CNTN6: variants seen among roughly 807,000 people sequenced by gnomAD.
CNTN6 encodes contactin-6.
In CNTN6, 137 loss-of-function variants were observed where a neutral mutation model predicts 122.8. The ratio of observed to expected loss-of-function variants is 1.12; its 90% CI spans 0.97 to 1.29. CNTN6 has a LOEUF of 1.29. CNTN6 is among the 50% of genes most tolerant of loss of function. The probability of loss-of-function intolerance (pLI) is 0.00; values close to 1 mark genes in which losing one functional copy is unlikely to be tolerated. For missense variants in CNTN6, 1,634 were observed against 1,223.4 expected (o/e 1.34, Z -5.01); for synonymous variants, 570 against 426.0 (o/e 1.34, Z -4.16).
At chr3:1,138,728 A>G (rs889067690) in intron 1 of CNTN6, among the ~76,000 whole-genome samples, 1 of 152,012 alleles carries the variant, frequency 6.6e-6, no homozygotes, top group Non-Finnish European at 1.5e-5. Flanking sequence ...GGACCTTGCT[A>G]TATTATTGCT....
chr3:1,260,436 G>A (rs2094826868), intron 4 of CNTN6, among the ~76,000 whole-genome samples: 1 of 152,018 alleles, frequency 6.6e-6, no homozygotes, highest in South Asian at 2.1e-4. Flanking sequence ...GCAGATGTTT[G>A]ATGTTTGGTT....
intron 11 of CNTN6, among the ~76,000 whole-genome samples, chr3:1,337,179 G>A (rs1703199286): frequency 6.6e-6 from 1 of 152,106 alleles, no homozygotes; most frequent in Admixed American, 6.5e-5. Flanking sequence ...AGTTCTTCTA[G>A]TTACACAGCC....
At chr3:1,307,739 G>C (rs1698588220) in intron 7 of CNTN6, among the ~76,000 whole-genome samples, 2 of 152,072 alleles carry the variant, frequency 1.3e-5, no homozygotes, top group Non-Finnish European at 2.9e-5. Context: ...AGGGGTGGTG[G>C]TCAGTTTATT....
chr3:1,185,327 G>A (rs2093613396), intron 2 of CNTN6, among the ~76,000 whole-genome samples: 1 of 151,922 alleles, frequency 6.6e-6, no homozygotes, highest in Non-Finnish European at 1.5e-5. Context: ...CAGTGAAATT[G>A]TTTATTTAAA....
At chr3:1,185,179 T>C (rs1365960374) in intron 2 of CNTN6, among the ~76,000 whole-genome samples, 3 of 152,292 alleles carry the variant, frequency 2.0e-5, no homozygotes, top group Non-Finnish European at 4.4e-5. Flanking sequence ...CAGAAGGTAA[T>C]AGAATATGTC....
intron 5 of CNTN6, among the ~76,000 whole-genome samples, chr3:1,289,966 GC>G (rs1323492430): frequency 6.6e-6 from 1 of 152,012 alleles, no homozygotes; most frequent in African/African-American, 2.4e-5. Context: ...GAGCCAATGC[GC>G]CCGGCGAGTT....
At chr3:1,192,511 A>G (rs1474760465) in intron 2 of CNTN6, among the ~76,000 whole-genome samples, 6 of 152,180 alleles carry the variant, frequency 3.9e-5, no homozygotes, top group Non-Finnish European at 7.3e-5. Context: ...CTGCAAATGT[A>G]TAATGGACCC....
intron 4 of CNTN6, among the ~76,000 whole-genome samples, chr3:1,254,800 T>A (rs998128655): frequency 2.0e-5 from 3 of 152,158 alleles, no homozygotes; most frequent in Non-Finnish European, 1.5e-5. Flanking sequence ...TAGTTATCTG[T>A]TAGAGTTTTT....
chr3:1,257,814 C>T (rs1343055429), intron 4 of CNTN6, among the ~76,000 whole-genome samples: 1 of 152,140 alleles, frequency 6.6e-6, no homozygotes, highest in Non-Finnish European at 1.5e-5. Context: ...GCCCATTTAA[C>T]AACAAAAGAC....
intron 1 of CNTN6, among the ~76,000 whole-genome samples, chr3:1,121,808 A>G (rs2091958772): frequency 6.6e-6 from 1 of 151,976 alleles, no homozygotes; most frequent in East Asian, 1.9e-4. Context: ...TAGGTAGGCC[A>G]CACATTTTTG....
rs182506715 is a variant in CNTN6 at position 1,197,213 on chromosome 3, C to T, written c.56-23474C>T. Among the ~76,000 whole-genome samples the T allele has an allele frequency of 6.6e-5, 10 of 152,314 alleles. No homozygotes were observed. The East Asian group carries it at 1.7e-3, about 26-fold the overall frequency. On this transcript the variant is annotated intron_variant, in intron 2 of 22. Coordinates refer to ENST00000446702, the MANE Select transcript of CNTN6 (RefSeq NM_001289080.2). ...TGTTCATTGACATACCTCTCAGCAT[C>T]ATCTCTCACCCATCTGCAAAGCAAG...
chr3:1,372,570 A>G (rs1709204470), intron 13 of CNTN6, 96 bp downstream of exon 13: 1 of 1,049,530 alleles, frequency 9.5e-7, no homozygotes. Flanking sequence ...CTTTATTTGC[A>G]TGGATAATCA....
At chr3:1,268,498 T>C (rs1436692449) in intron 4 of CNTN6, among the ~76,000 whole-genome samples, 1 of 150,664 alleles carries the variant, frequency 6.6e-6, no homozygotes. Flanking sequence ...TCCCAGCTAC[T>C]TGGGAGGCTG....
At chr3:1,156,506 C>A (rs2092965016) in intron 2 of CNTN6, among the ~76,000 whole-genome samples, 2 of 152,192 alleles carry the variant, frequency 1.3e-5, no homozygotes, top group Admixed American at 1.3e-4. Flanking sequence ...ATAACTAGTG[C>A]ATTCGAGTTT....
chr3:1,150,501 T>C (rs574292471), intron 2 of CNTN6, among the ~76,000 whole-genome samples: 2 of 152,322 alleles, frequency 1.3e-5, no homozygotes, highest in South Asian at 2.1e-4. Flanking sequence ...CATGGCCTCA[T>C]AGGCCTTTAC....
intron 7 of CNTN6, among the ~76,000 whole-genome samples, chr3:1,320,387 T>G (rs950976248): frequency 2.6e-5 from 4 of 151,714 alleles, no homozygotes; most frequent in African/African-American, 7.2e-5. Flanking sequence ...TAAGGCTTCA[T>G]AAGTGTTCTT....
At position 1,107,595 on chromosome 3, in the gene CNTN6, T is replaced by G. The variant is rs145778950; in HGVS notation, c.-83+14475T>G. 1.2e-4 allele frequency among the ~76,000 whole-genome samples: 18 copies of G among 152,260 alleles called. No individual in the cohort carries two copies. In the East Asian group the frequency reaches 3.5e-3, roughly 29 times the overall value. ...ATCAAAGTAAAATGGCTCTGAATTTTAAATTTTCCAGGGTGACAAAAGCTG... is the reference window on the plus strand; with the variant it reads ...ATCAAAGTAAAATGGCTCTGAATTTGAAATTTTCCAGGGTGACAAAAGCTG... On this transcript the variant is annotated intron_variant, in intron 1 of 22. Coordinates refer to ENST00000446702, the MANE Select transcript of CNTN6 (RefSeq NM_001289080.2).
At chr3:1,353,795 G>A (rs1055803869) in intron 12 of CNTN6, among the ~76,000 whole-genome samples, 13 of 151,592 alleles carry the variant, frequency 8.6e-5, no homozygotes, top group African/African-American at 2.9e-4. Flanking sequence ...AAAATGTGGT[G>A]AAGGATAAAA....
intron 2 of CNTN6, among the ~76,000 whole-genome samples, chr3:1,188,382 G>T (rs2093657779): frequency 6.6e-6 from 1 of 152,148 alleles, no homozygotes; most frequent in South Asian, 2.1e-4. Flanking sequence ...ATGTATTAAG[G>T]CTTTTAGAAT....
Sources: allele counts gnomAD v4.1 joint callset (sites outside exome capture counted in the v4.1 genomes callset), GRCh38; gene constraint gnomAD v4.1.1; transcripts MANE v1.5; gene names NCBI Gene and HGNC (gene_info 2026-07-23, HGNC 2026-07-21).